The following RXRA variants were observed in gnomAD, a reference collection of about 807,000 sequenced individuals.
RXRA encodes the protein retinoid X receptor alpha, also known as retinoic acid receptor RXR-alpha.
RXRA carries 5 observed loss-of-function variants against 44.5 expected under a neutral mutation model. The observed-to-expected ratio is 0.11, with a 90% CI of 0.06 to 0.24. The LOEUF (loss-of-function observed/expected upper bound fraction) is 0.24. Among genes scored for constraint, RXRA ranks in the 10% least tolerant of loss-of-function variants. RXRA has a pLI of 1.00. For synonymous variants in RXRA, 291 were observed against 271.4 expected (o/e 1.07, Z -0.71); for missense variants, 412 against 646.5 (o/e 0.64, Z 3.93).
At position 134,436,454 on chromosome 9, in the gene RXRA, C is replaced by G. The variant is rs749391318; in HGVS notation, c.1242-13C>G. 9.9e-6 allele frequency: 16 copies of G among 1,613,340 alleles called. No homozygotes were observed. The highest frequency in any genetic ancestry group is 1.4e-5 in the Non-Finnish European group (16 of 1,179,848). ...GCCCCTTGCCCGGCCCTCACCAGAC[C>G]TGTTCCCTGCAGGTTCGCTAAGCTC... is the stretch of plus-strand genomic sequence containing the variant. On this transcript the variant is annotated splice_polypyrimidine_tract_variant and intron_variant, in intron 9 of 9. Transcript: ENST00000481739.
chr9:134,423,575 G>A (rs1035885900), intron 6 of RXRA: 46 of 985,184 alleles, frequency 4.7e-5, no homozygotes, highest in South Asian at 2.8e-4. Context: ...ACTGGGCCCC[G>A]CCGGAGGAGC....
chr9:134,329,272 C>T (rs1393484900), intron 1 of RXRA, among the ~76,000 whole-genome samples: 1 of 152,214 alleles, frequency 6.6e-6, no homozygotes, highest in African/African-American at 2.4e-5. Context: ...CATTCCGGGG[C>T]CTCCCGAAAT....
At chr9:134,367,331 G>A (rs940493797) in intron 1 of RXRA, among the ~76,000 whole-genome samples, 5 of 152,184 alleles carry the variant, frequency 3.3e-5, no homozygotes, top group Admixed American at 6.5e-5. Flanking sequence ...CTGCGGTGGG[G>A]GGGAGGGTGG....
chr9:134,361,084 A>G (rs1564269578), intron 1 of RXRA, among the ~76,000 whole-genome samples: 1 of 152,200 alleles, frequency 6.6e-6, no homozygotes, highest in Non-Finnish European at 1.5e-5. Context: ...TCTGATGGGC[A>G]GGAGCTGGCC....
intron 4 of RXRA, among the ~76,000 whole-genome samples, chr9:134,412,899 A>G (rs922713483): frequency 3.9e-5 from 6 of 152,046 alleles, no homozygotes. Context: ...GCTGCTTCCC[A>G]TTTCCTTCCT....
chr9:134,385,244 A>T (rs1327177951), intron 1 of RXRA, among the ~76,000 whole-genome samples: 4 of 152,030 alleles, frequency 2.6e-5, no homozygotes, highest in Non-Finnish European at 4.4e-5. Context: ...ACACCCCCAC[A>T]CTCACTACCG....
chr9:134,328,383 C>T (rs1312242321), intron 1 of RXRA, among the ~76,000 whole-genome samples: 4 of 152,224 alleles, frequency 2.6e-5, no homozygotes, highest in East Asian at 3.9e-4. Context: ...GGTGCCCAGT[C>T]GCCATGGTGG....
intron 1 of RXRA, among the ~76,000 whole-genome samples, chr9:134,398,342 G>A (rs1234841461): frequency 2.1e-5 from 3 of 141,774 alleles, no homozygotes; most frequent in Non-Finnish European, 1.5e-5. Flanking sequence ...GGGTGGGGAC[G>A]GATAAATGAC....
At chr9:134,422,019 C>A (rs753531832) in intron 6 of RXRA, 1 of 1,440,108 alleles carries the variant, frequency 6.9e-7, no homozygotes, top group Non-Finnish European at 9.2e-7. Context: ...GGAACACACT[C>A]CCCCCTCCCT....
intron 1 of RXRA, among the ~76,000 whole-genome samples, chr9:134,397,265 G>A (rs1830893894): frequency 1.3e-5 from 2 of 152,164 alleles, no homozygotes; most frequent in South Asian, 2.1e-4. Context: ...ACCGTCTCGC[G>A]GAGCAGCCTG....
intron 1 of RXRA, among the ~76,000 whole-genome samples, chr9:134,332,034 T>C (rs2119010271): frequency 6.6e-6 from 1 of 152,316 alleles, no homozygotes; most frequent in Middle Eastern, 3.4e-3. Context: ...CTCTGTGCCC[T>C]GGGACTGGGC....
chr9:134,369,250 T>C (rs1389764686), intron 1 of RXRA, among the ~76,000 whole-genome samples: 1 of 34,956 alleles, frequency 2.9e-5, no homozygotes, highest in Non-Finnish European at 5.0e-5. Context: ...TATATGTGTG[T>C]AGGGGGGTTG....
chr9:134,410,828 G>A lies in RXRA; in HGVS notation c.610+1709G>A, dbSNP rs535963326. ...CTGGGGGCTTCAGGGAGACCCCTGC[G>A]AGCTTGGGGGCAGATGAGAGCGCTG... On this transcript the variant is annotated intron_variant, in intron 4 of 9. Transcript: ENST00000481739. Among the ~76,000 whole-genome samples the A allele has an allele frequency of 3.9e-5, 6 of 152,360 alleles. No homozygotes were observed. In the South Asian group the frequency reaches 1.0e-3, roughly 26 times the overall value.
chr9:134,385,974 G>T (rs879439331), intron 1 of RXRA, among the ~76,000 whole-genome samples: 1 of 152,242 alleles, frequency 6.6e-6, no homozygotes, highest in Admixed American at 6.5e-5. Flanking sequence ...GTCGTGTCTC[G>T]GATTGAGGAA....
rs549149544 is a variant in RXRA, at chr9:134,347,805, G to C, written c.28+21146G>C. 2.0e-5 allele frequency among the ~76,000 whole-genome samples: 3 copies of C among 152,298 alleles called. 1 individual carries two copies. The highest frequency in any genetic ancestry group is 2.0e-4 in the Admixed American group (3 of 15,310). On this transcript the variant is annotated intron_variant, in intron 1 of 9. Transcript: ENST00000481739. Reference sequence around the variant, plus strand: ...AGTTCAGAGCTGGACATTGAGGTCTGGTGGCCAGGAGGGGGCTGGTGGGTG... The same window carrying C: ...AGTTCAGAGCTGGACATTGAGGTCTCGTGGCCAGGAGGGGGCTGGTGGGTG...
rs768764679 is a variant in RXRA, at chr9:134,436,461, C to T, written c.1242-6C>T. On this transcript the variant is annotated splice_polypyrimidine_tract_variant and splice_region_variant and intron_variant, in intron 9 of 9. Transcript: ENST00000481739. ...GCCCGGCCCTCACCAGACCTGTTCC[C>T]TGCAGGTTCGCTAAGCTCTTGCTCC... The T allele has an allele frequency of 6.2e-7, 1 of 1,613,802 alleles. No homozygotes were observed. Among genetic ancestry groups the T allele is most frequent in the East Asian group, 2.2e-5 (1 of 44,892 alleles).
Position 134,380,129 on chromosome 9 carries a change from C to T in RXRA, c.29-21503C>T, listed in dbSNP as rs1320556708. 8 of 985,360 alleles carry T rather than the reference C, an allele frequency of 8.1e-6. No homozygotes were observed. The Admixed American group carries it at 4.9e-4, about 61-fold the overall frequency. 61.0% of individuals were successfully genotyped at this position (985,360 alleles called of 1,614,324 possible). ...GCCTGAGGGCCAAGTGTGGCCTTGG[C>T]ACTGCCACCGTCCACCAGCGGCAAG... On this transcript the variant is annotated intron_variant, in intron 1 of 9. Coordinates refer to ENST00000481739, the MANE Select transcript of RXRA (RefSeq NM_002957.6).
At chr9:134,382,828 G>C (rs990597488) in intron 1 of RXRA, among the ~76,000 whole-genome samples, 1 of 152,208 alleles carries the variant, frequency 6.6e-6, no homozygotes, top group African/African-American at 2.4e-5. Flanking sequence ...TGGCTGGGGA[G>C]GCCCTGCCCA....
chr9:134,416,356 G>A (rs577463927), intron 4 of RXRA, among the ~76,000 whole-genome samples: 308 of 152,326 alleles, frequency 2.0e-3, no homozygotes, highest in South Asian at 8.5e-3. Context: ...TCAGCTGACC[G>A]GAGCCCATGC....
Sources: gnomAD v4.1 joint callset for allele counts (sites outside exome capture counted in the v4.1 genomes callset) on GRCh38, gnomAD v4.1.1 for gene constraint, MANE v1.5 for transcripts, NCBI Gene and HGNC (gene_info 2026-07-23, HGNC 2026-07-21) for gene names.